Variants in TMEM181 observed in about 807,000 individuals in gnomAD.
TMEM181 encodes transmembrane protein 181.
Under a neutral mutation model 71.9 loss-of-function variants are expected in TMEM181, and 39 were observed. The ratio of observed to expected loss-of-function variants is 0.54; its 90% confidence interval spans 0.42 to 0.71. The LOEUF is 0.71. Ranked by LOEUF, TMEM181 falls within the 30% of genes least tolerant of loss-of-function variation. The pLI is 0.00. For missense variants in TMEM181, 595 were observed against 583.0 expected, an observed-to-expected ratio of 1.02 and a Z score of -0.21; for synonymous variants, 245 against 228.8, an observed-to-expected ratio of 1.07 and a Z score of -0.64.
chr6:158,557,399 TGATA>T (rs1781935084), upstream of TMEM181, among the ~76,000 whole-genome samples: 1 of 152,144 alleles, frequency 6.6e-6, no homozygotes, highest in Non-Finnish European at 1.5e-5. Flanking sequence ...GAGAAATGGC[TGATA>T]GATCACACCA....
At chr6:158,597,024 G>C (rs988880432) in intron 6 of TMEM181, among the ~76,000 whole-genome samples, 3 of 152,164 alleles carry the variant, frequency 2.0e-5, no homozygotes, top group Admixed American at 6.5e-5. Flanking sequence ...AGCGTGTTCA[G>C]ATGAGGCTCT....
In TMEM181 at chr6:158,605,366, A is replaced by T. The variant is rs1380829746; in HGVS notation, c.573+19A>T. 3.7e-6 allele frequency: 6 copies of T among 1,611,332 alleles called. No individual in the cohort carries two copies. The highest frequency in any genetic ancestry group is 4.2e-6 in the Non-Finnish European group (5 of 1,177,958). Reference sequence around the variant, plus strand: ...CGTCACTGTGAGTACCATTCGCCTGATGGACCGCAGCAGATCCCAGCCAGG... The same window carrying T: ...CGTCACTGTGAGTACCATTCGCCTGTTGGACCGCAGCAGATCCCAGCCAGG... On this transcript the variant is annotated intron_variant, in intron 7 of 16. Transcript: ENST00000684151.
Position 158,623,574 on chromosome 6 carries a change from G to A in TMEM181, c.921G>A (p.Met307Ile), listed in dbSNP as rs1786098441. 1 of 1,583,500 alleles carries A rather than the reference G, an allele frequency of 6.3e-7. No homozygotes were observed. The highest frequency in any genetic ancestry group is 8.6e-7 in the Non-Finnish European group (1 of 1,162,266). The change falls in exon 11 of 17, where the codon ATG (methionine) becomes ATA (isoleucine). Residue 307 changes from methionine to isoleucine, a missense_variant. Physicochemically the swap from Met to Ile is conservative, Grantham distance 10 (BLOSUM62 1). Transcript: ENST00000684151. The part of the protein sequence containing the change: ...WQTVNELHDP[M>I]YQYRVDTGNF... ...GAGTTAACGAATTACATGATCCAATGTACCAGTATCGAGTTGATACCGGAA... is the reference window on the plus strand; with the variant it reads ...GAGTTAACGAATTACATGATCCAATATACCAGTATCGAGTTGATACCGGAA...
At chr6:158,598,004 G>A (rs912019767) in intron 6 of TMEM181, among the ~76,000 whole-genome samples, 7 of 152,178 alleles carry the variant, frequency 4.6e-5, no homozygotes, top group African/African-American at 1.4e-4. Context: ...CTTACTCTTT[G>A]GAATACGTCG....
intron 15 of TMEM181, among the ~76,000 whole-genome samples, chr6:158,630,446 G>A (rs1786595807): frequency 6.6e-6 from 1 of 151,946 alleles, no homozygotes; most frequent in South Asian, 2.1e-4. Flanking sequence ...AGTGAGCTAT[G>A]ACACCACTAC....
At chr6:158,540,312 G>A (rs533715018) in intron 1 of TMEM181, among the ~76,000 whole-genome samples, 2 of 152,324 alleles carry the variant, frequency 1.3e-5, no homozygotes, top group East Asian at 3.9e-4. Context: ...CACTTGGCAA[G>A]CAGCTACTAA....
rs147797832 is a variant in TMEM181, at chr6:158,541,713, C to T, written c.131+4848C>T. 2.9e-3 allele frequency among the ~76,000 whole-genome samples: 438 copies of T among 152,206 alleles called. 1 individual carries two copies. The highest frequency in any genetic ancestry group is 0.01 in the Middle Eastern group (3 of 294). ...GGGAGCCATGTTTTTTATTTAAGGC[C>T]AACGTTATTTCCTGACGCATCTGTA... On this transcript the variant is annotated intron_variant, in intron 1 of 16. Coordinates refer to the TMEM181 transcript ENST00000367090.
chr6:158,562,290 G>C (rs944399430), intron 1 of TMEM181, among the ~76,000 whole-genome samples: 26 of 152,178 alleles, frequency 1.7e-4, no homozygotes, highest in African/African-American at 6.3e-4. Flanking sequence ...TGCTAGGGAC[G>C]GGAGAGGTGC....
chr6:158,607,410 G>A, intron 8 of TMEM181, 67 bp downstream of exon 8: 1 of 1,446,652 alleles, frequency 6.9e-7, no homozygotes, highest in Non-Finnish European at 9.7e-7. Flanking sequence ...CCAGGTGCAG[G>A]GTTGTGCCTG....
intron 12 of TMEM181, 144 bp downstream of exon 12, chr6:158,625,350 G>C: frequency 2.8e-6 from 2 of 714,974 alleles, no homozygotes; most frequent in Non-Finnish European, 4.8e-6. Flanking sequence ...ACCAGGGCAC[G>C]TGGTCCCTGG....
intron 10 of TMEM181, chr6:158,611,171 C>T (rs1361441221): frequency 5.7e-6 from 3 of 528,344 alleles, no homozygotes; most frequent in African/African-American, 1.9e-5. Context: ...GAAGCTGCTC[C>T]TCTCTGGCAC....
At chr6:158,629,651 C>A in intron 14 of TMEM181, 79 bp from the exon 15 acceptor site, 1 of 1,238,556 alleles carries the variant, frequency 8.1e-7, no homozygotes, top group Non-Finnish European at 1.1e-6. Context: ...CTGCTGATGG[C>A]GGGAGGAGTG....
chr6:158,611,365 G>T, intron 10 of TMEM181: 1 of 529,572 alleles, frequency 1.9e-6, no homozygotes. Flanking sequence ...CTTCCTTTTC[G>T]GCATTGATTT....
intron 1 of TMEM181, among the ~76,000 whole-genome samples, chr6:158,547,673 C>T (rs1044319436): frequency 2.0e-5 from 3 of 151,966 alleles, no homozygotes; most frequent in South Asian, 4.1e-4. Flanking sequence ...GATTCCAGAC[C>T]TTCTCCACCT....
intron 2 of TMEM181, among the ~76,000 whole-genome samples, chr6:158,577,287 A>G (rs1264722518): frequency 1.3e-5 from 2 of 152,198 alleles, no homozygotes; most frequent in East Asian, 3.8e-4. Context: ...ACCTAAAAGG[A>G]AACCAAAAAG....
Position 158,633,756 on chromosome 6 carries a change from C to T in TMEM181, c.*1868C>T, listed in dbSNP as rs1014263046. 2.0e-5 allele frequency: 3 copies of T among 152,158 alleles called. No homozygotes were observed. Among genetic ancestry groups the T allele is most frequent in the Admixed American group, 6.5e-5 (1 of 15,276 alleles). The allele number at this position is 152,158 out of a possible 1,614,324, so 9.4% of individuals were successfully genotyped here. A position where few individuals can be genotyped will look rare whatever the true frequency, so the allele number is the denominator to read the frequency against. On this transcript the variant is annotated 3_prime_UTR_variant, in exon 17 of 17. Coordinates refer to ENST00000684151, the MANE Select transcript of TMEM181 (RefSeq NM_001376852.1). ...AAATATGAATGTTTAAGACAACTTA[C>T]TGCAAGGGTAATTCAAGTTTACATG...
At chr6:158,583,875 C>A in intron 3 of TMEM181, 79 bp from the exon 4 acceptor site, 2 of 1,025,672 alleles carry the variant, frequency 1.9e-6, no homozygotes, top group African/African-American at 1.6e-5. Flanking sequence ...TAAAAGTAAA[C>A]TTTGTGTGTT....
rs572599667 is a variant in TMEM181 at position 158,608,483 on chromosome 6, A to G, written c.804+20A>G. On this transcript the variant is annotated intron_variant, in intron 9 of 16. Coordinates refer to ENST00000684151, the MANE Select transcript of TMEM181 (RefSeq NM_001376852.1). ...GTCCAGGTGAGCCGGAGCCGCCCTC[A>G]CTGCCGGGGGAGGTTCCAGACTGTG... The G allele has an allele frequency of 8.4e-5, 135 of 1,613,996 alleles. 1 individual carries two copies. In the South Asian group the frequency reaches 1.4e-3, roughly 16 times the overall value.
chr6:158,576,644 CAG>C (rs1273306939), intron 2 of TMEM181, among the ~76,000 whole-genome samples: 2 of 152,062 alleles, frequency 1.3e-5, no homozygotes, highest in African/African-American at 2.4e-5. Context: ...ATCCTTTGCA[CAG>C]AGACAGTCTA....
Sources: allele counts gnomAD v4.1 joint callset (sites outside exome capture counted in the v4.1 genomes callset), GRCh38; gene constraint gnomAD v4.1.1; transcripts MANE v1.5; gene names NCBI Gene and HGNC (gene_info 2026-07-23, HGNC 2026-07-21).